The following ADCY8 variants were observed in gnomAD, a reference collection of about 807,000 sequenced individuals.
ADCY8 encodes the protein adenylate cyclase type 8.
ADCY8 carries 51 observed loss-of-function variants against 119.7 expected under a neutral mutation model. That is an observed-to-expected ratio of 0.43 (90% CI 0.34 to 0.54). ADCY8 has a LOEUF of 0.54. Ranked by LOEUF, ADCY8 falls within the 20% of genes least tolerant of loss-of-function variation. The pLI, the probability that ADCY8 is intolerant of heterozygous loss-of-function variation, is 0.03. For synonymous variants in ADCY8, 665 were observed against 651.0 expected (o/e 1.02, Z -0.33); for missense variants, 1,383 against 1,598.8 (o/e 0.87, Z 2.30).
rs748241730 is a variant in ADCY8 at position 131,039,514 on chromosome 8, C to T, written c.820G>A (p.Val274Met). The change falls in exon 1 of 18, where the codon GTG (valine) becomes ATG (methionine). Residue 274 changes from valine to methionine, a missense_variant. Val to Met is a conservative substitution (Grantham distance 21). This residue lies in a region of ADCY8 where 455 missense variants were observed against 435.3 expected (regional missense o/e 1.05). Transcript: ENST00000286355. ...TAGGTGGCGAAGAGCGTGAAGAGCACGTAGCCTATGCCGTCGCCCAGGAGC... is the reference window on the plus strand; with the variant it reads ...TAGGTGGCGAAGAGCGTGAAGAGCATGTAGCCTATGCCGTCGCCCAGGAGC... ...YGLLGDGIGYVLFTLFATYSM... is the reference protein window; with the variant it reads ...YGLLGDGIGYMLFTLFATYSM... The T allele has an allele frequency of 6.2e-7, 1 of 1,613,816 alleles. No individual in the cohort carries two copies.
chr8:130,811,497 G>A (rs774029794), intron 14 of ADCY8, among the ~76,000 whole-genome samples: 3 of 152,202 alleles, frequency 2.0e-5, no homozygotes, highest in Admixed American at 6.5e-5. Context: ...CTTAGAGTTC[G>A]TAATTCTTGT....
chr8:130,934,713 T>C (rs1380808318), intron 5 of ADCY8, among the ~76,000 whole-genome samples: 2 of 152,242 alleles, frequency 1.3e-5, no homozygotes, highest in African/African-American at 4.8e-5. Flanking sequence ...GAACTCTGTG[T>C]TGGAACCCAT....
At chr8:130,952,058 G>C in intron 2 of ADCY8, 60 bp from the exon 3 acceptor site, 1 of 1,596,070 alleles carries the variant, frequency 6.3e-7, no homozygotes, top group Non-Finnish European at 8.6e-7. Flanking sequence ...AGATGGGAGG[G>C]TGGAGGGTGG....
chr8:130,847,581 T>C, intron 10 of ADCY8, 68 bp from the exon 11 acceptor site: 1 of 1,319,240 alleles, frequency 7.6e-7, no homozygotes, highest in Non-Finnish European at 1.1e-6. Flanking sequence ...TCAGTGTGAG[T>C]GCTGGAAATG....
chr8:130,885,540 G>T (rs1443497871), intron 7 of ADCY8, among the ~76,000 whole-genome samples: 1 of 151,998 alleles, frequency 6.6e-6, no homozygotes, highest in Non-Finnish European at 1.5e-5. Flanking sequence ...GACACACCAG[G>T]TTTGGCAAGG....
intron 1 of ADCY8, among the ~76,000 whole-genome samples, chr8:131,022,595 G>A (rs1243441951): frequency 6.6e-6 from 1 of 152,146 alleles, no homozygotes; most frequent in East Asian, 1.9e-4. Context: ...ATTATTTGAT[G>A]TCTATATTTT....
intron 5 of ADCY8, chr8:130,935,382 T>G (rs375197434): frequency 2.6e-5 from 4 of 152,054 alleles, no homozygotes; most frequent in East Asian, 3.9e-4. Context: ...GTTTTTAGAG[T>G]GCTTTTGTCT....
chr8:130,871,563 T>C (rs1259667182), intron 8 of ADCY8, among the ~76,000 whole-genome samples: 1 of 152,200 alleles, frequency 6.6e-6, no homozygotes, highest in Non-Finnish European at 1.5e-5. Context: ...TTACCTACTG[T>C]CAATCAATTA....
At chr8:130,988,858 A>T (rs1236172513) in intron 2 of ADCY8, among the ~76,000 whole-genome samples, 1 of 152,224 alleles carries the variant, frequency 6.6e-6, no homozygotes, top group Non-Finnish European at 1.5e-5. Flanking sequence ...TGTCTCCAAT[A>T]TATCATAAAC....
chr8:130,939,450 A>G (rs191331251), intron 4 of ADCY8, among the ~76,000 whole-genome samples: 119 of 152,234 alleles, frequency 7.8e-4, no homozygotes, highest in Non-Finnish European at 1.2e-3. Flanking sequence ...TCATCTGCAA[A>G]TGGTCTTTTG....
intron 7 of ADCY8, among the ~76,000 whole-genome samples, chr8:130,896,905 C>G (rs943494850): frequency 6.6e-6 from 1 of 151,956 alleles, no homozygotes; most frequent in South Asian, 2.1e-4. Flanking sequence ...AGTCTTGGAG[C>G]CTGTGTCTGA....
intron 1 of ADCY8, among the ~76,000 whole-genome samples, chr8:131,013,421 C>T (rs1159227129): frequency 6.6e-6 from 1 of 152,140 alleles, no homozygotes; most frequent in East Asian, 1.9e-4. Context: ...AAATTTAGGT[C>T]TGAAGCTCCC....
At chr8:130,966,599 A>T (rs1821770265) in intron 2 of ADCY8, among the ~76,000 whole-genome samples, 1 of 152,204 alleles carries the variant, frequency 6.6e-6, no homozygotes, top group African/African-American at 2.4e-5. Context: ...GGGGAAGCAA[A>T]GCAAGGAACC....
chr8:130,788,343 T>A (rs950046480), intron 15 of ADCY8, among the ~76,000 whole-genome samples: 1 of 152,172 alleles, frequency 6.6e-6, no homozygotes, highest in Non-Finnish European at 1.5e-5. Flanking sequence ...TTAGAAAACA[T>A]GGATGAATCT....
chr8:130,962,525 C>G (rs146536176), intron 2 of ADCY8, among the ~76,000 whole-genome samples: 1 of 152,170 alleles, frequency 6.6e-6, no homozygotes, highest in African/African-American at 2.4e-5. Context: ...GTCTGGATTC[C>G]CCTCTCATCT....
intron 5 of ADCY8, among the ~76,000 whole-genome samples, chr8:130,911,391 T>C (rs1359484604): frequency 6.6e-6 from 1 of 152,162 alleles, no homozygotes; most frequent in Non-Finnish European, 1.5e-5. Context: ...TTAAATCCAT[T>C]TATGAGATTG....
intron 14 of ADCY8, among the ~76,000 whole-genome samples, chr8:130,811,311 C>T (rs1816157850): frequency 6.6e-6 from 1 of 152,184 alleles, no homozygotes; most frequent in Admixed American, 6.5e-5. Context: ...TAGCTCTGCC[C>T]TCTATGGTCC....
chr8:131,040,263 G>C lies in ADCY8; in HGVS notation c.71C>G (p.Ala24Gly). The C allele has an allele frequency of 6.4e-7, 1 of 1,558,028 alleles. No homozygotes were observed. Among genetic ancestry groups the C allele is most frequent in the Non-Finnish European group, 8.6e-7 (1 of 1,158,542 alleles). The change falls in exon 1 of 18, where the codon GCC becomes GGC. Residue 24 changes from alanine (A) to glycine (G), a missense_variant. Ala to Gly is a moderately conservative substitution (Grantham distance 60). Transcript: ENST00000286355. ...ELYTIHPTPPAGDGRSASRPQ... is the reference protein window; with the variant it reads ...ELYTIHPTPPGGDGRSASRPQ... Reference sequence around the variant, plus strand: ...CCGGGAGGCGCTCCTGCCGTCGCCGGCCGGGGGCGTCGGGTGGATGGTGTA... The same window carrying C: ...CCGGGAGGCGCTCCTGCCGTCGCCGCCCGGGGGCGTCGGGTGGATGGTGTA...
At chr8:130,942,074 A>T (rs1196571200) in intron 4 of ADCY8, among the ~76,000 whole-genome samples, 1 of 151,996 alleles carries the variant, frequency 6.6e-6, no homozygotes, top group Non-Finnish European at 1.5e-5. Context: ...CCATATGCTT[A>T]CTCCATTCCC....
Sources: gnomAD v4.1 joint callset for allele counts (sites outside exome capture counted in the v4.1 genomes callset) on GRCh38, gnomAD v4.1.1 for gene constraint, gnomAD v4.1.1 regional missense constraint, MANE v1.5 for transcripts, NCBI Gene and HGNC (gene_info 2026-07-23, HGNC 2026-07-21) for gene names.